Variants in LRP1B observed in about 807,000 individuals in gnomAD.
LRP1B encodes low-density lipoprotein receptor-related protein 1B.
LRP1B carries 217 observed loss-of-function variants against 556.6 expected under a neutral mutation model. The observed-to-expected ratio is 0.39, with a 90% CI of 0.35 to 0.44. The LOEUF (loss-of-function observed/expected upper bound fraction) is 0.44. LRP1B is among the 20% of genes least tolerant of loss of function. LRP1B has a pLI of 1.00. For synonymous variants in LRP1B, 2,047 were observed against 1,865.8 expected, an observed-to-expected ratio of 1.10 and a Z score of -2.50; for missense variants, 5,053 against 5,620.8, an observed-to-expected ratio of 0.90 and a Z score of 3.23.
chr2:141,849,477 T>A (rs972090750), intron 1 of LRP1B, among the ~76,000 whole-genome samples: 3 of 151,716 alleles, frequency 2.0e-5, no homozygotes, highest in African/African-American at 7.2e-5. Context: ...TTTTACATTT[T>A]AAAAAATTAG....
chr2:141,567,571 T>C (rs1483832305), intron 2 of LRP1B, among the ~76,000 whole-genome samples: 2 of 152,048 alleles, frequency 1.3e-5, no homozygotes, highest in Non-Finnish European at 2.9e-5. Flanking sequence ...TGTGAAGTCA[T>C]TGAGTTCTCC....
chr2:141,975,576 T>G (rs1701863479), intron 1 of LRP1B, among the ~76,000 whole-genome samples: 1 of 152,152 alleles, frequency 6.6e-6, no homozygotes. Flanking sequence ...TTAAGGACCC[T>G]TCAGCTGTAA....
chr2:140,707,851 A>T (rs906180208), intron 37 of LRP1B, among the ~76,000 whole-genome samples: 27 of 152,120 alleles, frequency 1.8e-4, no homozygotes, highest in Non-Finnish European at 4.4e-5. Context: ...AAAGCACTCA[A>T]CCACAGGTAG....
intron 59 of LRP1B, among the ~76,000 whole-genome samples, chr2:140,483,877 G>A (rs928701559): frequency 6.6e-6 from 1 of 151,672 alleles, no homozygotes; most frequent in African/African-American, 2.4e-5. Flanking sequence ...CTGACCTCAA[G>A]TGATCCATCC....
At chr2:140,304,327 C>T (rs1043717450) in intron 83 of LRP1B, among the ~76,000 whole-genome samples, 2 of 152,066 alleles carry the variant, frequency 1.3e-5, no homozygotes, top group African/African-American at 2.4e-5. Flanking sequence ...CCTGTTGTTT[C>T]CTGACTTTTT....
chr2:140,511,319 T>TTTTTTTTTTG (rs1553477418), intron 51 of LRP1B, among the ~76,000 whole-genome samples: 12 of 145,728 alleles, frequency 8.2e-5, no homozygotes, highest in African/African-American at 3.1e-4. Context: ...TTTTTTTTTT[T>TTTTTTTTTTG]GAGACGGAGT....
chr2:140,321,069 AT>A (rs1381219225), intron 82 of LRP1B, among the ~76,000 whole-genome samples: 1 of 152,110 alleles, frequency 6.6e-6, no homozygotes, highest in East Asian at 1.9e-4. Flanking sequence ...GAATGAATGA[AT>A]AAAATTAAAA....
chr2:141,086,188 C>T (rs10211610), intron 7 of LRP1B, among the ~76,000 whole-genome samples: 2,145 of 152,238 alleles, frequency 0.014, 46 homozygotes, highest in African/African-American at 0.048. Context: ...ACTATATGAA[C>T]GTTCTCTATT....
At chr2:141,016,158 A>C (rs1223771237) in intron 12 of LRP1B, among the ~76,000 whole-genome samples, 1 of 152,114 alleles carries the variant, frequency 6.6e-6, no homozygotes, top group Non-Finnish European at 1.5e-5. Flanking sequence ...TATCGCACTT[A>C]CTGGCTTCAT....
chr2:141,040,697 A>G (rs971357858), intron 11 of LRP1B, among the ~76,000 whole-genome samples: 1 of 152,046 alleles, frequency 6.6e-6, no homozygotes, highest in Non-Finnish European at 1.5e-5. Context: ...TAAATCAGAG[A>G]ATAATTGATG....
chr2:140,623,361 T>C (rs1286661286), intron 41 of LRP1B, among the ~76,000 whole-genome samples: 1 of 152,152 alleles, frequency 6.6e-6, no homozygotes, highest in Non-Finnish European at 1.5e-5. Flanking sequence ...AACTAGAATA[T>C]TTTAGAAAAA....
chr2:140,351,960 G>A (rs1384275817), intron 76 of LRP1B, among the ~76,000 whole-genome samples: 1 of 151,970 alleles, frequency 6.6e-6, no homozygotes, highest in East Asian at 1.9e-4. Context: ...TGCTGTGCTG[G>A]GATTCAAATC....
intron 7 of LRP1B, among the ~76,000 whole-genome samples, chr2:141,170,176 C>T (rs1004342147): frequency 3.9e-5 from 6 of 152,086 alleles, no homozygotes; most frequent in African/African-American, 1.4e-4. Context: ...ACCAAGCCAC[C>T]AGTCCTAGAA....
chr2:141,855,350 A>T (rs773029817), intron 1 of LRP1B, among the ~76,000 whole-genome samples: 5 of 152,144 alleles, frequency 3.3e-5, no homozygotes, highest in Non-Finnish European at 7.3e-5. Flanking sequence ...AGAAAATGAA[A>T]TTGAAGAGGG....
chr2:141,475,959 A>G (rs1416281374), intron 3 of LRP1B, among the ~76,000 whole-genome samples: 1 of 152,144 alleles, frequency 6.6e-6, no homozygotes, highest in African/African-American at 2.4e-5. Flanking sequence ...GAACCTGGGT[A>G]CTAAGAGGGC....
chr2:142,021,659 C>T (rs1424400400), intron 1 of LRP1B, among the ~76,000 whole-genome samples: 1 of 151,896 alleles, frequency 6.6e-6, no homozygotes, highest in African/African-American at 2.4e-5. Flanking sequence ...CCATAGAAAA[C>T]CTCTAGTGAT....
intron 41 of LRP1B, among the ~76,000 whole-genome samples, chr2:140,642,720 T>C (rs1684343180): frequency 6.6e-6 from 1 of 152,096 alleles, no homozygotes; most frequent in Non-Finnish European, 1.5e-5. Flanking sequence ...GGCGGGCGCC[T>C]GTAGTCCCAG....
At chr2:141,879,783 C>G (rs564232024) in intron 1 of LRP1B, among the ~76,000 whole-genome samples, 18 of 152,024 alleles carry the variant, frequency 1.2e-4, no homozygotes, top group African/African-American at 3.4e-4. Context: ...CATGGAACGT[C>G]TCATAATTAT....
At chr2:140,979,680 A>C (rs920957554) in intron 18 of LRP1B, among the ~76,000 whole-genome samples, 4 of 152,162 alleles carry the variant, frequency 2.6e-5, no homozygotes, top group African/African-American at 9.7e-5. Context: ...TACTATAACT[A>C]TATGTGCATT....
Sources: allele counts gnomAD v4.1 joint callset (sites outside exome capture counted in the v4.1 genomes callset), GRCh38; gene constraint gnomAD v4.1.1; transcripts MANE v1.5; gene names NCBI Gene and HGNC (gene_info 2026-07-23, HGNC 2026-07-21).